The following CCDC88C variants were observed in gnomAD, a reference collection of about 807,000 sequenced individuals.
The protein encoded by CCDC88C is coiled-coil and HOOK domain protein 88C, also known as protein Daple.
In CCDC88C, 131 loss-of-function variants were observed where a neutral mutation model predicts 198.8. The observed-to-expected ratio is 0.66, with a 90% CI of 0.57 to 0.76. The LOEUF (loss-of-function observed/expected upper bound fraction) is 0.76. Ranked by LOEUF, CCDC88C falls within the 30% of genes least tolerant of loss-of-function variation. The pLI is 0.00. For synonymous variants in CCDC88C, 1,166 were observed against 1,114.7 expected (o/e 1.05, Z -0.92); for missense variants, 2,553 against 2,631.6 (o/e 0.97, Z 0.65).
intron 17 of CCDC88C, among the ~76,000 whole-genome samples, chr14:91,307,879 G>T (rs999189637): frequency 6.6e-6 from 1 of 151,954 alleles, no homozygotes; most frequent in African/African-American, 2.4e-5. Context: ...TGTGGAGAGT[G>T]TGTATGTGTG....
intron 26 of CCDC88C, 21 bp downstream of exon 26, chr14:91,283,307 TC>T (rs1464270664): frequency 6.2e-7 from 1 of 1,609,854 alleles, no homozygotes. Context: ...CGCTCATGGC[TC>T]TGGAAGGGCC....
At chr14:91,331,898 G>A (rs1406035013) in intron 10 of CCDC88C, among the ~76,000 whole-genome samples, 1 of 151,874 alleles carries the variant, frequency 6.6e-6, no homozygotes, top group African/African-American at 2.4e-5. Flanking sequence ...GGTATACACT[G>A]TGCCCAGGTA....
At position 91,303,975 on chromosome 14, in the gene CCDC88C, C is replaced by G; in HGVS notation, c.3361G>C (p.Glu1121Gln). ...LQTQTAKLQV[E>Q]NSTLSSQSAA... ...CTCTGGGAACTCAGCGTGGAGTTCT[C>G]CACCTGCCGAGAGGGAGAAGCGCGG... The change falls in exon 20 of 30, where the codon GAG becomes CAG. Residue 1121 changes from glutamate (E) to glutamine (Q), a missense_variant. Coordinates refer to ENST00000389857, the MANE Select transcript of CCDC88C (RefSeq NM_001080414.4). 1 of 1,598,112 alleles carries G rather than the reference C, an allele frequency of 6.3e-7. No homozygotes were observed. Among genetic ancestry groups the G allele is most frequent in the Non-Finnish European group, 8.5e-7 (1 of 1,173,960 alleles).
At chr14:91,385,812 T>A (rs975113305) in intron 3 of CCDC88C, among the ~76,000 whole-genome samples, 11 of 146,876 alleles carry the variant, frequency 7.5e-5, no homozygotes, top group African/African-American at 2.3e-4. Context: ...AAAAAAAAAA[T>A]AATTAATTAA....
chr14:91,283,684 G>C, intron 25 of CCDC88C, 167 bp from the exon 26 acceptor site: 1 of 655,716 alleles, frequency 1.5e-6, no homozygotes, highest in Non-Finnish European at 2.6e-6. Context: ...TGGCGGGGCA[G>C]GTGGGGGCAA....
chr14:91,347,669 AAAAGTCAGG>A (rs1164057302), intron 4 of CCDC88C, among the ~76,000 whole-genome samples: 4 of 152,196 alleles, frequency 2.6e-5, no homozygotes, highest in African/African-American at 9.7e-5. Flanking sequence ...GCGATCATTA[AAAAGTCAGG>A]AAACAACAGG....
intron 29 of CCDC88C, among the ~76,000 whole-genome samples, chr14:91,277,400 G>T (rs546656018): frequency 1.8e-4 from 28 of 152,352 alleles, no homozygotes; most frequent in Middle Eastern, 6.8e-3. Context: ...TCAAATGTCA[G>T]TGTCCATAAG....
At chr14:91,301,443 C>T (rs1157181851) in intron 20 of CCDC88C, among the ~76,000 whole-genome samples, 2 of 152,212 alleles carry the variant, frequency 1.3e-5, no homozygotes, top group Admixed American at 6.5e-5. Context: ...GGGGTCAGCA[C>T]GGTGGCTCAC....
intron 3 of CCDC88C, among the ~76,000 whole-genome samples, chr14:91,397,344 T>C (rs1885905650): frequency 6.6e-6 from 1 of 152,074 alleles, no homozygotes; most frequent in African/African-American, 2.4e-5. Context: ...GCTGAGGAAA[T>C]GATGGCCGCT....
chr14:91,282,284 G>C (rs1342753151), intron 26 of CCDC88C, among the ~76,000 whole-genome samples: 2 of 152,202 alleles, frequency 1.3e-5, no homozygotes, highest in African/African-American at 4.8e-5. Flanking sequence ...CAAGAGTCAG[G>C]TGAGTGGGTT....
chr14:91,302,563 A>G (rs560880003), intron 20 of CCDC88C, among the ~76,000 whole-genome samples: 9 of 152,296 alleles, frequency 5.9e-5, no homozygotes, highest in Non-Finnish European at 1.3e-4. Flanking sequence ...ACCCAAGACC[A>G]TGAACTGTCA....
intron 1 of CCDC88C, 122 bp downstream of exon 1, chr14:91,417,509 C>A: frequency 1.3e-6 from 1 of 795,564 alleles, no homozygotes; most frequent in Non-Finnish European, 2.0e-6. Flanking sequence ...GAGCCACTTG[C>A]TGCGTCCCTC....
At position 91,303,797 on chromosome 14, in the gene CCDC88C, C is replaced by T. The variant is rs1166585047; in HGVS notation, c.3539G>A (p.Arg1180Gln). Reference sequence around the variant, plus strand: ...GAGGGCCTCGTACTCGGCCGATTGCCGCTCGTGCAGCGTGCCCAGGTGCTC... The same window carrying T: ...GAGGGCCTCGTACTCGGCCGATTGCTGCTCGTGCAGCGTGCCCAGGTGCTC... Reference protein sequence around the residue: ...DHEHLGTLHERQSAEYEALIR... With the variant: ...DHEHLGTLHEQQSAEYEALIR... The change falls in exon 20 of 30, where the codon CGG (arginine) becomes CAG (glutamine). Residue 1180 changes from arginine (R) to glutamine (Q), a missense_variant. Physicochemically the swap from Arg to Gln is conservative, Grantham distance 43. This residue lies in a region of CCDC88C where 1,293 missense variants were observed against 1,219.6 expected (regional missense o/e 1.06). Transcript: ENST00000389857. The T allele has an allele frequency of 1.9e-6, 3 of 1,613,444 alleles. No homozygotes were observed. The highest frequency in any genetic ancestry group is 2.5e-6 in the Non-Finnish European group (3 of 1,179,896).
At chr14:91,279,328 A>T in intron 27 of CCDC88C, 22 bp from the exon 28 acceptor site, 1 of 1,575,082 alleles carries the variant, frequency 6.3e-7, no homozygotes, top group Non-Finnish European at 8.6e-7. Context: ...TGGCAGTGTT[A>T]AAATTAAAAA....
In CCDC88C at chr14:91,281,374, G is replaced by T. The variant is rs189361693; in HGVS notation, c.4699+83C>A. On this transcript the variant is annotated intron_variant, in intron 27 of 29. Coordinates refer to ENST00000389857, the MANE Select transcript of CCDC88C (RefSeq NM_001080414.4). ...TCATTTGGTGTTGGACTCCCGTACA[G>T]GACTCAGCTTAAAGGAAAGGTACCG... The T allele has an allele frequency of 2.5e-6, 4 of 1,604,800 alleles. No homozygotes were observed. The African/African-American group carries it at 5.3e-5, about 21-fold the overall frequency.
chr14:91,414,825 G>C (rs993843177), intron 2 of CCDC88C, among the ~76,000 whole-genome samples: 2 of 152,170 alleles, frequency 1.3e-5, no homozygotes, highest in African/African-American at 2.4e-5. Flanking sequence ...ATATCACAGA[G>C]AGAACATCTA....
intron 13 of CCDC88C, among the ~76,000 whole-genome samples, chr14:91,318,424 G>GA (rs1892200575): frequency 6.6e-6 from 1 of 152,092 alleles, no homozygotes; most frequent in Admixed American, 6.6e-5. Context: ...TCAAAAAACC[G>GA]AGTCACTTTC....
At chr14:91,372,542 CG>C (rs1220900992) in intron 3 of CCDC88C, among the ~76,000 whole-genome samples, 899 of 16,128 alleles carry the variant, frequency 0.056, 52 homozygotes, top group African/African-American at 0.18. Context: ...GGGGGGCGGG[CG>C]GGGGGGGGAG....
intron 3 of CCDC88C, among the ~76,000 whole-genome samples, chr14:91,399,793 C>A (rs1435923673): frequency 1.3e-5 from 2 of 149,258 alleles, no homozygotes; most frequent in African/African-American, 4.9e-5. Context: ...GAGCCGAGAT[C>A]GCGCCACTGC....
Sources: allele counts gnomAD v4.1 joint callset (sites outside exome capture counted in the v4.1 genomes callset), GRCh38; gene constraint gnomAD v4.1.1; regional missense constraint gnomAD v4.1.1; transcripts MANE v1.5; gene names NCBI Gene and HGNC (gene_info 2026-07-23, HGNC 2026-07-21).